The following CPPED1 variants were observed in gnomAD, a reference collection of about 807,000 sequenced individuals.
The protein encoded by CPPED1 is calcineurin like phosphoesterase domain containing 1, also known as serine/threonine-protein phosphatase CPPED1.
Under a neutral mutation model 28.0 loss-of-function variants are expected in CPPED1, and 28 were observed. The observed-to-expected ratio is 1.00, with a 90% confidence interval of 0.74 to 1.37. CPPED1 has a LOEUF of 1.37. CPPED1 is among the 40% of genes most tolerant of loss of function. The pLI is 0.00. For synonymous variants in CPPED1, 198 were observed against 180.2 expected (o/e 1.10, Z -0.79); for missense variants, 504 against 416.5 (o/e 1.21, Z -1.83).
At chr16:12,790,709 T>A (rs1281531035) in intron 1 of CPPED1, among the ~76,000 whole-genome samples, 2 of 151,690 alleles carry the variant, frequency 1.3e-5, no homozygotes, top group Non-Finnish European at 2.9e-5. Context: ...GGGGGTTGGA[T>A]CATGAGGTCA....
At chr16:12,718,799 C>T (rs1048081668) in intron 2 of CPPED1, among the ~76,000 whole-genome samples, 12 of 151,832 alleles carry the variant, frequency 7.9e-5, no homozygotes, top group African/African-American at 2.7e-4. Flanking sequence ...CCTGTCTCTA[C>T]TAAAAATACA....
Position 12,663,931 on chromosome 16 carries a change from A to G in CPPED1, c.*955T>C, listed in dbSNP as rs373594166. 1.3e-5 allele frequency: 2 copies of G among 152,228 alleles called. No individual in the cohort carries two copies. The highest frequency in any genetic ancestry group is 1.9e-4 in the East Asian group (1 of 5,202). The allele number at this position is 152,228 out of a possible 1,614,324, so 9.4% of individuals were successfully genotyped here. On this transcript the variant is annotated 3_prime_UTR_variant, in exon 4 of 4. Coordinates refer to ENST00000381774, the MANE Select transcript of CPPED1 (RefSeq NM_018340.3). ...TTGTCAAGGGATTTTGCATTAGTGC[A>G]TTTAGTCCAAGTCAGGGCCAATTCA...
In CPPED1 at chr16:12,799,840, G is replaced by A. The variant is rs139152184; in HGVS notation, c.70+3867C>T. Among the ~76,000 whole-genome samples, 48 of 152,186 alleles carry A rather than the reference G, an allele frequency of 3.2e-4. 1 individual carries two copies. Among genetic ancestry groups the A allele is most frequent in the Admixed American group, 3.1e-3 (48 of 15,278 alleles). ...ATGACCCATCCTGGGTGTGTCTATGGGACTGCATGGCTCACAGAGGAGATC... is the reference window on the plus strand; with the variant it reads ...ATGACCCATCCTGGGTGTGTCTATGAGACTGCATGGCTCACAGAGGAGATC... On this transcript the variant is annotated intron_variant, in intron 1 of 3. Transcript: ENST00000381774.
At chr16:12,699,727 T>C (rs893178347) in intron 3 of CPPED1, among the ~76,000 whole-genome samples, 2 of 152,146 alleles carry the variant, frequency 1.3e-5, no homozygotes, top group Non-Finnish European at 2.9e-5. Flanking sequence ...TGACATATTT[T>C]TGAGTACTGG....
At chr16:12,683,188 T>C (rs2079914805) in intron 3 of CPPED1, among the ~76,000 whole-genome samples, 1 of 152,174 alleles carries the variant, frequency 6.6e-6, no homozygotes, top group African/African-American at 2.4e-5. Context: ...TGAGATTCCG[T>C]TTGAATAACT....
intron 2 of CPPED1, among the ~76,000 whole-genome samples, chr16:12,780,500 A>T (rs2080523672): frequency 6.6e-6 from 1 of 152,150 alleles, no homozygotes; most frequent in Non-Finnish European, 1.5e-5. Flanking sequence ...GACCATCCAG[A>T]ATAAGGCACT....
chr16:12,710,477 G>A (rs946543823), intron 2 of CPPED1, among the ~76,000 whole-genome samples: 1 of 150,908 alleles, frequency 6.6e-6, no homozygotes, highest in Non-Finnish European at 1.5e-5. Context: ...AGGAGGGGGG[G>A]AACAGACAAA....
In CPPED1 at chr16:12,717,671, C is replaced by T. The variant is rs138272848; in HGVS notation, c.290-12622G>A. Among the ~76,000 whole-genome samples, 418 of 152,038 alleles carry T rather than the reference C, an allele frequency of 2.7e-3. 3 individuals are homozygous for T. The highest frequency in any genetic ancestry group is 9.7e-3 in the African/African-American group (403 of 41,522). On this transcript the variant is annotated intron_variant, in intron 2 of 3. Coordinates refer to ENST00000381774, the MANE Select transcript of CPPED1 (RefSeq NM_018340.3). Reference sequence around the variant, plus strand: ...AATTATTATTTTTGAGACAGAGTCTCGCTCTGTTGCACAGGCGGGAGTACA... The same window carrying T: ...AATTATTATTTTTGAGACAGAGTCTTGCTCTGTTGCACAGGCGGGAGTACA...
chr16:12,777,047 G>C (rs2080502266), intron 2 of CPPED1, among the ~76,000 whole-genome samples: 1 of 152,152 alleles, frequency 6.6e-6, no homozygotes, highest in African/African-American at 2.4e-5. Context: ...TCAGCAGCAT[G>C]AAAACAGACT....
At position 12,781,181 on chromosome 16, in the gene CPPED1, T is replaced by C. The variant is rs771081248; in HGVS notation, c.289+4A>G. ...AAGGTCACAAGCGATGACCCGAGTC[T>C]TACCTGGCATGGCGTGGATGAGGTC... is the stretch of plus-strand genomic sequence containing the variant. On this transcript the variant is annotated splice_donor_region_variant and intron_variant, in intron 2 of 3. Transcript: ENST00000381774. The C allele has an allele frequency of 9.3e-6, 15 of 1,610,950 alleles. No individual in the cohort carries two copies. The highest frequency in any genetic ancestry group is 1.3e-5 in the Non-Finnish European group (15 of 1,178,510).
At chr16:12,683,870 G>T (rs1037024622) in intron 3 of CPPED1, among the ~76,000 whole-genome samples, 1 of 152,162 alleles carries the variant, frequency 6.6e-6, no homozygotes. Flanking sequence ...GTCCAGGGAG[G>T]GCGCAGCCTC....
intron 2 of CPPED1, among the ~76,000 whole-genome samples, chr16:12,731,213 G>A (rs908403296): frequency 1.3e-5 from 2 of 150,718 alleles, no homozygotes; most frequent in Non-Finnish European, 3.0e-5. Flanking sequence ...GAGTGCAGTG[G>A]CGCGATCTCG....
intron 2 of CPPED1, among the ~76,000 whole-genome samples, chr16:12,769,730 G>A (rs1482661259): frequency 5.3e-5 from 8 of 152,060 alleles, no homozygotes; most frequent in East Asian, 1.9e-4. Context: ...CTCAGCATTC[G>A]ACCCACACGC....
intron 3 of CPPED1, among the ~76,000 whole-genome samples, chr16:12,685,548 C>A (rs1225409383): frequency 6.6e-6 from 1 of 152,204 alleles, no homozygotes; most frequent in East Asian, 1.9e-4. Flanking sequence ...ACCCCTGGCA[C>A]ACTGTCTACT....
At chr16:12,706,849 G>A (rs1368673756) in intron 2 of CPPED1, among the ~76,000 whole-genome samples, 2 of 152,114 alleles carry the variant, frequency 1.3e-5, no homozygotes, top group African/African-American at 4.8e-5. Context: ...AGCCTTTCCC[G>A]AGCCCATTCC....
chr16:12,703,806 A>G (rs1219450903), intron 3 of CPPED1, among the ~76,000 whole-genome samples: 1 of 152,156 alleles, frequency 6.6e-6, no homozygotes, highest in Non-Finnish European at 1.5e-5. Flanking sequence ...TCTGCCTAGA[A>G]CAGACTGTTT....
chr16:12,761,273 T>G (rs1196893833), intron 2 of CPPED1: 1 of 94,942 alleles, frequency 1.1e-5, no homozygotes, highest in Non-Finnish European at 1.9e-5. Context: ...CCAGACTCTG[T>G]CTCAAAAAAA....
At chr16:12,768,162 A>G (rs2141230862) in intron 2 of CPPED1, among the ~76,000 whole-genome samples, 1 of 152,296 alleles carries the variant, frequency 6.6e-6, no homozygotes, top group Admixed American at 6.5e-5. Context: ...AGGACTCTTA[A>G]GACCTTTCTG....
intron 3 of CPPED1, among the ~76,000 whole-genome samples, chr16:12,677,303 G>T (rs144363499): frequency 2.6e-5 from 4 of 152,230 alleles, no homozygotes; most frequent in Non-Finnish European, 5.9e-5. Context: ...CCAGAGGGCT[G>T]CATGGGGCTA....
Sources: allele counts gnomAD v4.1 joint callset (sites outside exome capture counted in the v4.1 genomes callset), GRCh38; gene constraint gnomAD v4.1.1; transcripts MANE v1.5; gene names NCBI Gene and HGNC (gene_info 2026-07-23, HGNC 2026-07-21).